The following SMG7 variants were observed in gnomAD, a reference collection of about 807,000 sequenced individuals.
SMG7 encodes the protein nonsense-mediated mRNA decay factor SMG7.
SMG7 carries 34 observed loss-of-function variants against 148.2 expected under a neutral mutation model. The observed-to-expected ratio is 0.23, with a 90% confidence interval of 0.17 to 0.31. SMG7 has a LOEUF of 0.31. SMG7 is among the 10% of genes least tolerant of loss of function. The pLI is 1.00. For synonymous variants in SMG7, 492 were observed against 515.1 expected, an observed-to-expected ratio of 0.96 and a Z score of 0.61; for missense variants, 1,114 against 1,408.4, an observed-to-expected ratio of 0.79 and a Z score of 3.35.
At position 183,526,658 on chromosome 1, in the gene SMG7, A is replaced by G. The variant is rs770022073; in HGVS notation, c.375A>G (p.Gln125=). ...VDLPCRVKSS[Q]LGIISNKQTH... is the part of the protein sequence containing the mutation. ...TACCATGCCGTGTGAAGTCTTCCCA[A>G]TTGGGAATTATCAGCAATAAACAGA... Residue 125 remains glutamine (Q), a synonymous_variant, in exon 5 of 23, where the codon CAA becomes CAG. Coordinates refer to ENST00000688051, the MANE Select transcript of SMG7 (RefSeq NM_001375584.1). The G allele has an allele frequency of 6.8e-6, 11 of 1,613,496 alleles. No individual in the cohort carries two copies. The highest frequency in any genetic ancestry group is 2.2e-5 in the East Asian group (1 of 44,882).
intron 2 of SMG7, 152 bp downstream of exon 2, chr1:183,513,020 T>C (rs971380124): frequency 6.1e-6 from 4 of 652,934 alleles, no homozygotes; most frequent in Non-Finnish European, 9.9e-6. Flanking sequence ...ATTTATTGTT[T>C]ATGTAGTTTG....
At chr1:183,513,890 C>T (rs747935561) in intron 2 of SMG7, among the ~76,000 whole-genome samples, 5 of 151,730 alleles carry the variant, frequency 3.3e-5, no homozygotes, top group African/African-American at 9.7e-5. Flanking sequence ...ATTAGCTGGG[C>T]GTGGTGGCAT....
At chr1:183,544,588 T>C in intron 15 of SMG7, 91 bp downstream of exon 15, 1 of 1,388,746 alleles carries the variant, frequency 7.2e-7, no homozygotes, top group South Asian at 1.3e-5. Context: ...GTTGGAGTAA[T>C]GTTACTAAGC....
At chr1:183,491,525 A>G (rs1192790305) in intron 1 of SMG7, among the ~76,000 whole-genome samples, 1 of 152,202 alleles carries the variant, frequency 6.6e-6, no homozygotes, top group African/African-American at 2.4e-5. Context: ...GCACATATAT[A>G]TACACTCGGG....
chr1:183,479,268 A>G (rs1387509253), intron 1 of SMG7, among the ~76,000 whole-genome samples: 2 of 152,094 alleles, frequency 1.3e-5, no homozygotes, highest in Non-Finnish European at 2.9e-5. Flanking sequence ...CAACCTTGGC[A>G]CTTATTGACG....
chr1:183,544,311 G>A (rs370705740), intron 14 of SMG7, 42 bp from the exon 15 acceptor site: 2 of 1,561,832 alleles, frequency 1.3e-6, no homozygotes, highest in Admixed American at 1.7e-5. Context: ...GCACATTTGA[G>A]TTTCAATTTA....
At chr1:183,528,176 A>T (rs1285032495) in intron 6 of SMG7, 149 bp downstream of exon 6, 2 of 436,068 alleles carry the variant, frequency 4.6e-6, no homozygotes, top group Non-Finnish European at 8.0e-6. Context: ...TGTACATTCC[A>T]TGTAAACTAA....
At chr1:183,475,279 G>A (rs1437603252) in intron 1 of SMG7, among the ~76,000 whole-genome samples, 1 of 152,182 alleles carries the variant, frequency 6.6e-6, no homozygotes, top group Non-Finnish European at 1.5e-5. Context: ...AGTAAACATA[G>A]CAGTTAAATA....
At position 183,537,190 on chromosome 1, in the gene SMG7, T is replaced by C; in HGVS notation, c.1209T>C (p.His403=). The C allele has an allele frequency of 1.9e-6, 3 of 1,612,802 alleles. No homozygotes were observed. Among genetic ancestry groups the C allele is most frequent in the Non-Finnish European group, 2.5e-6 (3 of 1,178,890 alleles). ...LISLLNSFHP[H]EEDLSSISAT... The stretch of plus-strand genomic sequence containing the variant: ...CTCTTCTGAATAGTTTCCATCCCCA[T>C]GAAGAGGACCTCTCAAGTATTAGTG... Residue 403 remains histidine, a synonymous_variant, in exon 11 of 23, where the codon CAT becomes CAC. Transcript: ENST00000688051.
At chr1:183,509,274 A>G (rs1011050555) in intron 1 of SMG7, among the ~76,000 whole-genome samples, 4 of 152,204 alleles carry the variant, frequency 2.6e-5, no homozygotes, top group Admixed American at 2.6e-4. Context: ...TTTCAGATAT[A>G]ATCTATTTCC....
At chr1:183,549,695 C>A (rs562599512) in intron 19 of SMG7, 69 bp from the exon 20 acceptor site, 7 of 1,306,438 alleles carry the variant, frequency 5.4e-6, no homozygotes, top group Non-Finnish European at 5.5e-6. Flanking sequence ...CATCCATGAA[C>A]AAGACATTGG....
chr1:183,475,593 T>G (rs1028345165), intron 1 of SMG7, among the ~76,000 whole-genome samples: 9 of 152,220 alleles, frequency 5.9e-5, no homozygotes, highest in African/African-American at 1.9e-4. Flanking sequence ...TGACTACTGC[T>G]TAGAAAAGGG....
intron 19 of SMG7, among the ~76,000 whole-genome samples, chr1:183,549,518 T>C (rs1018372388): frequency 2.6e-5 from 4 of 152,214 alleles, no homozygotes; most frequent in Non-Finnish European, 5.9e-5. Context: ...GGCTCTCTTT[T>C]TGAGCCAAAT....
In SMG7 at chr1:183,527,309, T is replaced by C. The variant is rs537750636; in HGVS notation, c.484+542T>C. 3.3e-5 allele frequency among the ~76,000 whole-genome samples: 5 copies of C among 152,350 alleles called. No individual in the cohort carries two copies. The highest frequency in any genetic ancestry group is 2.6e-4 in the Admixed American group (4 of 15,300). Reference sequence around the variant, plus strand: ...GAAAGGTTGTAAAACAAATTAACTATAGGATTATGTTTTGCTTGTCCTCAA... The same window carrying C: ...GAAAGGTTGTAAAACAAATTAACTACAGGATTATGTTTTGCTTGTCCTCAA... On this transcript the variant is annotated intron_variant, in intron 5 of 22. Coordinates refer to ENST00000688051, the MANE Select transcript of SMG7 (RefSeq NM_001375584.1). The surrounding 1 kb of genome is among the most constrained non-coding windows in gnomAD (Gnocchi z 4.0).
intron 3 of SMG7, among the ~76,000 whole-genome samples, chr1:183,516,561 A>G (rs1424139083): frequency 6.6e-6 from 1 of 152,192 alleles, no homozygotes; most frequent in Admixed American, 6.5e-5. Flanking sequence ...CAAGTGAGTA[A>G]TTGTCTTTTG....
At chr1:183,480,149 T>C (rs1653702857) in intron 1 of SMG7, among the ~76,000 whole-genome samples, 1 of 152,146 alleles carries the variant, frequency 6.6e-6, no homozygotes, top group African/African-American at 2.4e-5. Flanking sequence ...TTAACTGTAC[T>C]CTTTAATGTT....
rs773564318 is a variant in SMG7 at position 183,529,022 on chromosome 1, A to G, written c.687A>G (p.Ala229=). The G allele has an allele frequency of 1.2e-6, 2 of 1,612,360 alleles. No homozygotes were observed. The highest frequency in any genetic ancestry group is 1.3e-5 in the African/African-American group (1 of 74,756). ...FPAASTNLQK[A]LSKALESRDE... ...CTGCCTCCACTAATCTGCAAAAAGC[A>G]CTTTCTAAAGCACTGGAAAGGTAGG... The change falls in exon 7 of 23, where the codon GCA becomes GCG. Residue 229 remains alanine (A), a synonymous_variant. Transcript: ENST00000688051.
chr1:183,552,055 G>GT lies in SMG7; in HGVS notation c.*125dup. 1 of 1,371,902 alleles carries GT rather than the reference G, an allele frequency of 7.3e-7. No individual in the cohort carries two copies. Among genetic ancestry groups the GT allele is most frequent in the Non-Finnish European group, 9.5e-7 (1 of 1,049,922 alleles). 85.0% of individuals were successfully genotyped at this position (1,371,902 alleles called of 1,614,324 possible). On this transcript the variant is annotated 3_prime_UTR_variant, in exon 23 of 23. Coordinates refer to ENST00000688051, the MANE Select transcript of SMG7 (RefSeq NM_001375584.1). ...TTCTGTTTCTCGCTGTCAAGAGGGT[G>GT]TAAGTATTCCACCAGCCCGCTGAGT...
At chr1:183,550,711 A>G (rs1670860968) in intron 20 of SMG7, 40 bp from the exon 21 acceptor site, 1 of 1,595,796 alleles carries the variant, frequency 6.3e-7, no homozygotes, top group South Asian at 1.1e-5. Context: ...TGTTTGTGAA[A>G]CAATGATTTA....
Sources: allele counts gnomAD v4.1 joint callset (sites outside exome capture counted in the v4.1 genomes callset), GRCh38; gene constraint gnomAD v4.1.1; non-coding constraint Gnocchi (gnomAD v3.1); transcripts MANE v1.5; gene names NCBI Gene and HGNC (gene_info 2026-07-23, HGNC 2026-07-21).